The following GSDME variants were observed in gnomAD, a reference collection of about 807,000 sequenced individuals.
GSDME encodes the protein gasdermin-E.
GSDME carries 44 observed loss-of-function variants against 47.5 expected under a neutral mutation model. The observed-to-expected ratio is 0.93, with a 90% CI of 0.73 to 1.19. The LOEUF is 1.19. Among genes scored for constraint, GSDME ranks in the 50% most tolerant of loss-of-function variants. The pLI is 0.00. For synonymous variants in GSDME, 258 were observed against 252.8 expected (o/e 1.02, Z -0.20); for missense variants, 663 against 604.2 (o/e 1.10, Z -1.02).
At chr7:24,765,697 A>G in the GSDME span, among the ~76,000 whole-genome samples, 2 of 152,244 alleles carry the variant, frequency 1.3e-5, no homozygotes, top group Non-Finnish European at 2.9e-5. Flanking sequence ...TTCTTTGCTC[A>G]ATTAAACTCT....
At chr7:24,759,741 C>A (rs909680869), upstream of GSDME, among the ~76,000 whole-genome samples, 1 of 152,132 alleles carries the variant, frequency 6.6e-6, no homozygotes, top group African/African-American at 2.4e-5. Context: ...TCCCCCCACC[C>A]AAGCAGTGTA....
intron 3 of GSDME, among the ~76,000 whole-genome samples, chr7:24,719,960 T>C (rs577290698): frequency 6.6e-6 from 1 of 152,272 alleles, no homozygotes; most frequent in South Asian, 2.1e-4. Flanking sequence ...TGGTGACCAA[T>C]TGCTTCTCAT....
At position 24,735,081 on chromosome 7, in the gene GSDME, A is replaced by G. The variant is rs1790259998; in HGVS notation, c.404+9481T>C. On this transcript the variant is annotated intron_variant, in intron 3 of 9. Transcript: ENST00000645220. The surrounding 1 kb of genome is among the most constrained non-coding windows in gnomAD (Gnocchi z 4.4). ...ACTAACTGCATACAATGGAGCTCCA[A>G]TATGTTTGGCAGCAGACTTTTCAGC... Among the ~76,000 whole-genome samples, 1 of 152,226 alleles carries G rather than the reference A, an allele frequency of 6.6e-6. No individual in the cohort carries two copies. Among genetic ancestry groups the G allele is most frequent in the Non-Finnish European group, 1.5e-5 (1 of 68,042 alleles).
Position 24,724,905 on chromosome 7 carries a change from A to T in GSDME, c.405-5687T>A, listed in dbSNP as rs1789915568. 6.6e-6 allele frequency: 1 copy of T among 152,176 alleles called. No homozygotes were observed. The highest frequency in any genetic ancestry group is 1.5e-5 in the Non-Finnish European group (1 of 68,050). The allele number at this position is 152,176 out of a possible 1,614,324, so 9.4% of individuals were successfully genotyped here. ...ATGAGTGAGTTTACACTCTGAGTTC[A>T]CACTGGTTAAGAGTGTGGTACCTTC... On this transcript the variant is annotated intron_variant, in intron 3 of 9. Coordinates refer to ENST00000645220, the MANE Select transcript of GSDME (RefSeq NM_001127453.2). The surrounding 1 kb of genome is among the most constrained non-coding windows in gnomAD (Gnocchi z 4.8).
chr7:24,743,817 T>C (rs1790563755), intron 3 of GSDME, among the ~76,000 whole-genome samples: 1 of 152,220 alleles, frequency 6.6e-6, no homozygotes, highest in Non-Finnish European at 1.5e-5. Context: ...TCTAAGTTCG[T>C]AGCCCCCATT....
chr7:24,782,105 T>C, the GSDME span, among the ~76,000 whole-genome samples: 1 of 152,102 alleles, frequency 6.6e-6, no homozygotes, highest in Non-Finnish European at 1.5e-5. Flanking sequence ...CTAGGATACA[T>C]GTGTATAATG....
chr7:24,789,994 C>T, the GSDME span, among the ~76,000 whole-genome samples: 1 of 152,214 alleles, frequency 6.6e-6, no homozygotes, highest in Non-Finnish European at 1.5e-5. Context: ...CCTCCTAACA[C>T]TGGGAACCAT....
intron 5 of GSDME, chr7:24,715,701 A>G (rs1562694756): frequency 6.2e-6 from 2 of 320,008 alleles, no homozygotes; most frequent in East Asian, 1.1e-4. Flanking sequence ...GAGAAAGATG[A>G]CAATAATAAC....
At chr7:24,707,422 T>G (rs1356603335) in intron 7 of GSDME, 9 of 471,488 alleles carry the variant, frequency 1.9e-5, no homozygotes, top group African/African-American at 8.0e-5. Context: ...AGGATATCCT[T>G]CTGCTGCAAA....
chr7:24,706,513 C>G (rs777023824), intron 7 of GSDME, 137 bp from the exon 8 acceptor site: 1 of 816,330 alleles, frequency 1.2e-6, no homozygotes. Flanking sequence ...CTCTTCTCTA[C>G]GTTCTGAAAT....
rs1332431546 is a variant in GSDME at position 24,749,678 on chromosome 7, G to C, written c.97C>G (p.Leu33Val). Reference protein sequence around the residue: ...SNLNDSDKLQLLSLVTKKKRF... With the variant: ...SNLNDSDKLQVLSLVTKKKRF... ...TTCTTTTTTGTCACCAGACTTAGAA[G>C]CTGTAACTTATCAGAGTCATTCAGA... Residue 33 changes from leucine (L) to valine (V), a missense_variant, in exon 2 of 10, where the codon CTT becomes GTT. Leu to Val is a conservative substitution (Grantham distance 32). Coordinates refer to ENST00000645220, the MANE Select transcript of GSDME (RefSeq NM_001127453.2). 6.2e-7 allele frequency: 1 copy of C among 1,614,090 alleles called. No individual in the cohort carries two copies. The highest frequency in any genetic ancestry group is 2.2e-5 in the East Asian group (1 of 44,880).
chr7:24,776,398 A>T, the GSDME span, among the ~76,000 whole-genome samples: 1 of 152,080 alleles, frequency 6.6e-6, no homozygotes, highest in Non-Finnish European at 1.5e-5. Context: ...TTTTGGAAAA[A>T]CATCAAACCT....
the GSDME span, among the ~76,000 whole-genome samples, chr7:24,770,828 T>C: frequency 7.0e-6 from 1 of 143,708 alleles, no homozygotes; most frequent in Non-Finnish European, 1.5e-5. This position sits in a 1 kb window ranked among gnomAD's most constrained non-coding sequence, Gnocchi z 4.6. Context: ...AGCTTGAGTA[T>C]ACATCAATAG....
chr7:24,710,351 C>T lies in GSDME; in HGVS notation c.735G>A (p.Glu245=). ...AGACAGAGTCAATTCTCTTCTTGTTCTCGAAGCCACCTTGCTTCCCTCGGA... is the reference window on the plus strand; with the variant it reads ...AGACAGAGTCAATTCTCTTCTTGTTTTCGAAGCCACCTTGCTTCCCTCGGA... ...CLLRGKQGGF[E]NKKRIDSVYL... Residue 245 remains glutamate (E), a synonymous_variant, in exon 6 of 10, where the codon GAG becomes GAA. Transcript: ENST00000645220. The T allele has an allele frequency of 6.2e-7, 1 of 1,614,246 alleles. No homozygotes were observed. The highest frequency in any genetic ancestry group is 8.5e-7 in the Non-Finnish European group (1 of 1,180,048).
At position 24,714,388 on chromosome 7, in the gene GSDME, T is replaced by C. The variant is rs1789465931; in HGVS notation, c.697+2866A>G. 6.6e-6 allele frequency among the ~76,000 whole-genome samples: 1 copy of C among 152,064 alleles called. No homozygotes were observed. The highest frequency in any genetic ancestry group is 3.2e-3 in the Middle Eastern group (1 of 316). On this transcript the variant is annotated intron_variant, in intron 5 of 9. Transcript: ENST00000645220. This position sits in a 1 kb window ranked among gnomAD's most constrained non-coding sequence, Gnocchi z 5.0. ...CTGCAGGTTTATGTCTATGAAGCTA[T>C]ACCAGAACATTCTGTAGCAAGAGCA... is the stretch of plus-strand genomic sequence containing the variant.
At chr7:24,780,363 G>A in the GSDME span, among the ~76,000 whole-genome samples, 915 of 152,272 alleles carry the variant, frequency 6.0e-3, 33 homozygotes, top group East Asian at 0.012. The surrounding 1 kb of genome is among the most constrained non-coding windows in gnomAD (Gnocchi z 4.1). Context: ...CTCCAATGGC[G>A]AGAAAACTCA....
chr7:24,707,986 C>A (rs147310990), intron 7 of GSDME, 141 bp downstream of exon 7: 2 of 1,049,734 alleles, frequency 1.9e-6, no homozygotes, highest in African/African-American at 1.6e-5. Context: ...ACTTAGAAAA[C>A]GCAGGACCCA....
intron 9 of GSDME, chr7:24,702,538 C>A (rs1788911505): frequency 6.1e-6 from 3 of 492,938 alleles, no homozygotes; most frequent in Non-Finnish European, 1.2e-5. Context: ...AAGTCCTGGA[C>A]CTGCTAACAA....
At chr7:24,717,625 G>A (rs2128053001) in intron 4 of GSDME, among the ~76,000 whole-genome samples, 1 of 152,324 alleles carries the variant, frequency 6.6e-6, no homozygotes, top group Admixed American at 6.5e-5. Context: ...GGGATACAGT[G>A]AAGTTAGGTC....
Sources: gnomAD v4.1 joint callset for allele counts (sites outside exome capture counted in the v4.1 genomes callset) on GRCh38, gnomAD v4.1.1 for gene constraint, Gnocchi (gnomAD v3.1) non-coding constraint, MANE v1.5 for transcripts, NCBI Gene and HGNC (gene_info 2026-07-23, HGNC 2026-07-21) for gene names.